Variants in LEPROTL1 observed in about 807,000 individuals in gnomAD.
LEPROTL1 encodes the protein leptin receptor overlapping transcript-like 1.
In LEPROTL1, 6 loss-of-function variants were observed where a neutral mutation model predicts 15.4. The observed-to-expected ratio is 0.39, with a 90% CI of 0.21 to 0.77. The LOEUF is 0.77. LEPROTL1 is among the 30% of genes least tolerant of loss of function. The pLI is 0.41. For missense variants in LEPROTL1, 128 were observed against 158.1 expected (o/e 0.81, Z 1.02); for synonymous variants, 56 against 52.6 (o/e 1.06, Z -0.28).
At chr8:30,104,038 G>A (rs997442199) in intron 2 of LEPROTL1, among the ~76,000 whole-genome samples, 1 of 152,084 alleles carries the variant, frequency 6.6e-6, no homozygotes, top group Non-Finnish European at 1.5e-5. Flanking sequence ...TAGAGTAAAA[G>A]CCATCTATTT....
intron 3 of LEPROTL1, among the ~76,000 whole-genome samples, chr8:30,118,267 G>A (rs1563217311): frequency 1.3e-5 from 2 of 151,980 alleles, no homozygotes; most frequent in Non-Finnish European, 2.9e-5. Flanking sequence ...CAACTGTCTT[G>A]GCCTCCCAAA....
chr8:30,096,014 G>T, intron 1 of LEPROTL1: 1 of 608,534 alleles, frequency 1.6e-6, no homozygotes, highest in Non-Finnish European at 3.0e-6. Flanking sequence ...CCGAAACCTC[G>T]ACCCCACGTC....
intron 4 of LEPROTL1, among the ~76,000 whole-genome samples, chr8:30,135,922 A>AC (rs951357125): frequency 2.0e-5 from 3 of 151,256 alleles, no homozygotes; most frequent in African/African-American, 7.3e-5. Context: ...TGAAAAAAAA[A>AC]AAAAAAAGGA....
chr8:30,126,821 T>A (rs746275882), intron 3 of LEPROTL1, among the ~76,000 whole-genome samples: 6 of 152,154 alleles, frequency 3.9e-5, no homozygotes, highest in Non-Finnish European at 7.4e-5. Context: ...GAGGATCACT[T>A]GAGGCCAGAA....
At chr8:30,125,428 A>G (rs1408472340) in intron 3 of LEPROTL1, among the ~76,000 whole-genome samples, 1 of 152,234 alleles carries the variant, frequency 6.6e-6, no homozygotes, top group Non-Finnish European at 1.5e-5. Context: ...TTTATACAAT[A>G]GAAAACAAAT....
At chr8:30,095,943 A>G (rs1412832464) in intron 1 of LEPROTL1, 1 of 687,810 alleles carries the variant, frequency 1.5e-6, no homozygotes, top group South Asian at 1.5e-5. Flanking sequence ...CCAGCTATGG[A>G]AAACCAGTCA....
At chr8:30,112,130 T>G (rs566806853), downstream of LEPROTL1, among the ~76,000 whole-genome samples, 83 of 152,328 alleles carry the variant, frequency 5.4e-4, no homozygotes, top group African/African-American at 1.8e-3. Flanking sequence ...AGATCCAAAC[T>G]GGTTCATCAT....
chr8:30,122,164 C>T (rs113139636), intron 3 of LEPROTL1, among the ~76,000 whole-genome samples: 3,951 of 148,260 alleles, frequency 0.027, 175 homozygotes, highest in African/African-American at 0.094. Context: ...GAGACTCCCT[C>T]TCAAAAAAAA....
chr8:30,134,275 T>A (rs563197954), intron 4 of LEPROTL1, among the ~76,000 whole-genome samples: 3 of 151,630 alleles, frequency 2.0e-5, no homozygotes, highest in Admixed American at 6.6e-5. Context: ...ATACAAAAAT[T>A]AGCTGGGTGT....
chr8:30,099,599 T>TAA lies in LEPROTL1; in HGVS notation c.17-2274_17-2273dup, dbSNP rs71204264. Reference sequence around the variant, plus strand: ...CCTGGCGACAGCGCAAGACTCCATTTAAAAAAAAAAAAAAAAAAAAAAAAA... The same window carrying TAA: ...CCTGGCGACAGCGCAAGACTCCATTTAAAAAAAAAAAAAAAAAAAAAAAAAAA... On this transcript the variant is annotated intron_variant, in intron 1 of 3. Transcript: ENST00000321250. 9.8e-5 allele frequency among the ~76,000 whole-genome samples: 11 copies of TAA among 112,468 alleles called. 1 individual carries two copies. Among genetic ancestry groups the TAA allele is most frequent in the Admixed American group, 9.6e-4 (10 of 10,370 alleles). 73.8% of individuals were successfully genotyped at this position (112,468 alleles called of 152,430 possible). A position where few individuals can be genotyped will look rare whatever the true frequency, so the allele number is the denominator to read the frequency against.
At chr8:30,098,918 G>T (rs1802416784) in intron 1 of LEPROTL1, among the ~76,000 whole-genome samples, 1 of 152,164 alleles carries the variant, frequency 6.6e-6, no homozygotes, top group African/African-American at 2.4e-5. Context: ...GGCATTCAGT[G>T]AACAGAGGAC....
At chr8:30,133,390 C>A (rs1292217482) in intron 4 of LEPROTL1, among the ~76,000 whole-genome samples, 1 of 152,122 alleles carries the variant, frequency 6.6e-6, no homozygotes, top group Non-Finnish European at 1.5e-5. Flanking sequence ...ATATGTATAT[C>A]TGTATGAATA....
At chr8:30,118,863 G>T (rs979315008) in intron 3 of LEPROTL1, among the ~76,000 whole-genome samples, 1 of 152,192 alleles carries the variant, frequency 6.6e-6, no homozygotes, top group Admixed American at 6.5e-5. Context: ...CCGGATTTAT[G>T]CTTCTCTCCA....
chr8:30,095,629 G>T (rs1802347886), intron 1 of LEPROTL1, 101 bp downstream of exon 1: 1 of 1,008,618 alleles, frequency 9.9e-7, no homozygotes, highest in Middle Eastern at 3.5e-4. Context: ...GCTCGCGCGC[G>T]CGCGTGGGGT....
At chr8:30,124,714 A>C (rs1419615679) in intron 3 of LEPROTL1, among the ~76,000 whole-genome samples, 2 of 152,226 alleles carry the variant, frequency 1.3e-5, no homozygotes, top group Admixed American at 1.3e-4. Flanking sequence ...CTATATAAAC[A>C]GAAAAAAGTA....
In LEPROTL1 at chr8:30,104,455, G is replaced by A. The variant is rs1802525689; in HGVS notation, c.248G>A (p.Gly83Glu). ...LTTGIVVSAF[G>E]LPIVFARAHL... ...ACGGGCATTGTCGTGTCAGCTTTTGGACTCCCTATTGTATTTGCCAGAGCA... is the reference window on the plus strand; with the variant it reads ...ACGGGCATTGTCGTGTCAGCTTTTGAACTCCCTATTGTATTTGCCAGAGCA... Residue 83 changes from glycine (G) to glutamate (E), a missense_variant, in exon 3 of 4, where the codon GGA (glycine) becomes GAA (glutamate). Transcript: ENST00000321250. The A allele has an allele frequency of 1.2e-6, 2 of 1,611,162 alleles. No individual in the cohort carries two copies. Among genetic ancestry groups the A allele is most frequent in the Non-Finnish European group, 1.7e-6 (2 of 1,178,760 alleles).
intron 4 of LEPROTL1, among the ~76,000 whole-genome samples, chr8:30,134,786 G>C (rs918265097): frequency 6.6e-6 from 1 of 152,180 alleles, no homozygotes; most frequent in African/African-American, 2.4e-5. Flanking sequence ...CATCTCAGGA[G>C]ATCTGCCCGC....
In LEPROTL1 at chr8:30,107,268, A is replaced by G; in HGVS notation, c.*1406A>G. On this transcript the variant is annotated 3_prime_UTR_variant, in exon 4 of 4. Transcript: ENST00000321250. The stretch of plus-strand genomic sequence containing the variant: ...ACCAAAAAATTCCCAGTAACCAGGC[A>G]TGATCAATTTATAGTGGTCGTTTAC... 1.0e-6 allele frequency: 1 copy of G among 985,560 alleles called. No homozygotes were observed. The highest frequency in any genetic ancestry group is 1.2e-6 in the Non-Finnish European group (1 of 829,896). The allele number at this position is 985,560 out of a possible 1,614,324, so 61.1% of individuals were successfully genotyped here.
chr8:30,119,411 G>C (rs1024907949), intron 3 of LEPROTL1, among the ~76,000 whole-genome samples: 2 of 152,110 alleles, frequency 1.3e-5, no homozygotes, highest in Admixed American at 1.3e-4. Context: ...GCTTGCAGAT[G>C]GCCCATTCTC....
Sources: gnomAD v4.1 joint callset for allele counts (sites outside exome capture counted in the v4.1 genomes callset) on GRCh38, gnomAD v4.1.1 for gene constraint, MANE v1.5 for transcripts, NCBI Gene and HGNC (gene_info 2026-07-23, HGNC 2026-07-21) for gene names.